Variants in HDAC4 observed in about 807,000 individuals in gnomAD.
HDAC4 encodes the protein histone deacetylase 4.
In HDAC4, 16 loss-of-function variants were observed where a neutral mutation model predicts 135.1. That is an observed-to-expected ratio of 0.12 (90% confidence interval 0.08 to 0.18). The LOEUF is 0.18. Ranked by LOEUF, HDAC4 falls within the 10% of genes least tolerant of loss-of-function variation. HDAC4 has a pLI of 1.00. For synonymous variants in HDAC4, 685 were observed against 653.4 expected, an observed-to-expected ratio of 1.05 and a Z score of -0.74; for missense variants, 1,143 against 1,511.8, an observed-to-expected ratio of 0.76 and a Z score of 4.05.
chr2:239,281,411 A>G (rs1222399573), intron 2 of HDAC4, among the ~76,000 whole-genome samples: 4 of 145,328 alleles, frequency 2.8e-5, no homozygotes, highest in Non-Finnish European at 4.5e-5. Flanking sequence ...TTTACCCACC[A>G]CTCTACACAC....
chr2:239,056,749 G>A (rs554616731), intron 24 of HDAC4, among the ~76,000 whole-genome samples: 52 of 152,322 alleles, frequency 3.4e-4, no homozygotes, highest in African/African-American at 1.2e-3. Flanking sequence ...TTGGAAAGGC[G>A]GTAAAAGCGT....
Position 239,111,604 on chromosome 2 carries a change from G to A in HDAC4, c.1900C>T (p.Arg634Trp), listed in dbSNP as rs2152799412. ...GCAGACGCGGGTGAGGACTGCGCCC[G>A]GGACAGAGGCCTGTGGCCGCCGAAG... ...VSFGGHRPLS[R>W]AQSSPASATF... The change falls in exon 14 of 27, where the codon CGG (arginine) becomes TGG (tryptophan). Residue 634 changes from arginine (R) to tryptophan (W), a missense_variant. Physicochemically the swap from Arg to Trp is moderately radical, Grantham distance 101. Coordinates refer to ENST00000543185, the MANE Select transcript of HDAC4 (RefSeq NM_001378414.1). 1 of 1,611,334 alleles carries A rather than the reference G, an allele frequency of 6.2e-7. No homozygotes were observed. The highest frequency in any genetic ancestry group is 8.5e-7 in the Non-Finnish European group (1 of 1,179,330).
At chr2:239,076,721 T>A (rs2034804739) in intron 22 of HDAC4, among the ~76,000 whole-genome samples, 1 of 152,176 alleles carries the variant, frequency 6.6e-6, no homozygotes, top group Admixed American at 6.5e-5. Flanking sequence ...ACAAACTGGC[T>A]CCTCACTGGC....
At chr2:239,337,793 C>T (rs1381787781) in intron 2 of HDAC4, among the ~76,000 whole-genome samples, 1 of 152,154 alleles carries the variant, frequency 6.6e-6, no homozygotes, top group African/African-American at 2.4e-5. Context: ...GCAGGACAAC[C>T]GGCTTCGGCT....
At chr2:239,374,439 T>C (rs1575771033) in intron 1 of HDAC4, among the ~76,000 whole-genome samples, 4 of 123,730 alleles carry the variant, frequency 3.2e-5, no homozygotes, top group African/African-American at 1.2e-4. Context: ...AGTCTCGCTC[T>C]GTCGCCCAGG....
At chr2:239,232,099 T>C (rs1021754172) in intron 3 of HDAC4, among the ~76,000 whole-genome samples, 1 of 152,228 alleles carries the variant, frequency 6.6e-6, no homozygotes, top group Non-Finnish European at 1.5e-5. Context: ...GCTGAGCGCC[T>C]GCAAGGCCTG....
intron 6 of HDAC4, chr2:239,162,156 C>T (rs1238123579): frequency 4.4e-6 from 2 of 456,852 alleles, no homozygotes; most frequent in Admixed American, 2.3e-5. Flanking sequence ...CCAACTCCCG[C>T]TGCAGCCTCC....
chr2:239,065,480 C>T (rs1015750829), intron 24 of HDAC4, among the ~76,000 whole-genome samples: 1 of 152,202 alleles, frequency 6.6e-6, no homozygotes, highest in Non-Finnish European at 1.5e-5. Context: ...ATGCTGCTTC[C>T]AGAGAAGTCC....
intron 3 of HDAC4, among the ~76,000 whole-genome samples, chr2:239,226,029 A>G (rs1267025532): frequency 2.0e-5 from 3 of 152,144 alleles, no homozygotes; most frequent in Admixed American, 6.5e-5. Context: ...CGACACCCTA[A>G]CACAGACAAG....
intron 1 of HDAC4, among the ~76,000 whole-genome samples, chr2:239,357,903 AAAAAAAAAAAAAAAG>A (rs1693611813): frequency 1.7e-5 from 2 of 115,664 alleles, no homozygotes; most frequent in East Asian, 5.6e-4. Flanking sequence ...AAAAAAAAAA[AAAAAAAAAAAAAAAG>A]AGAGTGGGAA....
At chr2:239,108,316 GA>G (rs2038345600) in intron 14 of HDAC4, 133 bp from the exon 15 acceptor site, 21 of 1,151,182 alleles carry the variant, frequency 1.8e-5, no homozygotes, top group Middle Eastern at 2.8e-4. Context: ...CGGTTCTTTA[GA>G]AAAATACCAC....
At chr2:239,267,724 G>A (rs375001089) in intron 2 of HDAC4, among the ~76,000 whole-genome samples, 3 of 152,250 alleles carry the variant, frequency 2.0e-5, no homozygotes, top group East Asian at 1.9e-4. Flanking sequence ...TCACAGGGAC[G>A]AGGCCCCTCA....
At chr2:239,071,844 T>C (rs1559371220) in intron 22 of HDAC4, among the ~76,000 whole-genome samples, 1 of 152,160 alleles carries the variant, frequency 6.6e-6, no homozygotes, top group East Asian at 1.9e-4. Flanking sequence ...GGCAGAGTTG[T>C]GTAAGCTGAG....
At chr2:239,288,314 A>C (rs937261813) in intron 2 of HDAC4, among the ~76,000 whole-genome samples, 1 of 152,234 alleles carries the variant, frequency 6.6e-6, no homozygotes, top group Non-Finnish European at 1.5e-5. Context: ...AACTTGAAAA[A>C]GGGAATCTAA....
intron 1 of HDAC4, among the ~76,000 whole-genome samples, chr2:239,384,855 T>C (rs1394263278): frequency 2.0e-5 from 3 of 151,978 alleles, no homozygotes; most frequent in Non-Finnish European, 2.9e-5. Context: ...TCCAAATACA[T>C]CAGCCCTCGG....
intron 14 of HDAC4, among the ~76,000 whole-genome samples, chr2:239,110,623 G>A (rs747787): frequency 0.47 from 71,195 of 152,138 alleles, 17,976 homozygotes; most frequent in South Asian, 0.71. Flanking sequence ...TGAGAACCTC[G>A]CAGACTGCAG....
At chr2:239,305,314 C>T (rs145109575) in intron 2 of HDAC4, 1 of 152,776 alleles carries the variant, frequency 6.5e-6, no homozygotes, top group Non-Finnish European at 1.5e-5. Context: ...GTCTGCTTGG[C>T]ACACCTTCAC....
intron 2 of HDAC4, among the ~76,000 whole-genome samples, chr2:239,264,831 T>G (rs1459268325): frequency 6.6e-6 from 1 of 152,058 alleles, no homozygotes; most frequent in African/African-American, 2.4e-5. Flanking sequence ...CGTCGGAGGG[T>G]CCTGCCCCTT....
chr2:239,076,390 T>C (rs2034767132), intron 22 of HDAC4, among the ~76,000 whole-genome samples: 2 of 152,244 alleles, frequency 1.3e-5, no homozygotes, highest in African/African-American at 2.4e-5. Flanking sequence ...CATCAAATTA[T>C]GGCCTGTACA....
Sources: gnomAD v4.1 joint callset for allele counts (sites outside exome capture counted in the v4.1 genomes callset) on GRCh38, gnomAD v4.1.1 for gene constraint, MANE v1.5 for transcripts, NCBI Gene and HGNC (gene_info 2026-07-23, HGNC 2026-07-21) for gene names.